The following LRRC37B variants were observed in gnomAD, a reference collection of about 807,000 sequenced individuals.
The protein encoded by LRRC37B is leucine rich repeat containing 37B.
A neutral mutation model predicts 98.3 loss-of-function variants in LRRC37B; 28 were observed. The ratio of observed to expected loss-of-function variants is 0.28; its 90% CI spans 0.21 to 0.39. LRRC37B has a LOEUF of 0.39. LRRC37B is among the 10% of genes least tolerant of loss of function. The probability of loss-of-function intolerance (pLI) is 1.00; values close to 1 mark genes in which losing one functional copy is unlikely to be tolerated. For missense variants in LRRC37B, 938 were observed against 1,182.7 expected, an observed-to-expected ratio of 0.79 and a Z score of 3.03; for synonymous variants, 364 against 442.7, an observed-to-expected ratio of 0.82 and a Z score of 2.23.
intron 2 of LRRC37B, among the ~76,000 whole-genome samples, chr17:32,027,342 T>C (rs1910984391): frequency 6.6e-6 from 1 of 151,980 alleles, no homozygotes; most frequent in South Asian, 2.1e-4. Context: ...TGCACGTGTG[T>C]GCTTGCTTGT....
upstream of LRRC37B, chr17:32,018,094 G>T (rs542551834): frequency 3.4e-5 from 6 of 178,188 alleles, no homozygotes; most frequent in East Asian, 7.1e-4. Flanking sequence ...ATGGCTGGGC[G>T]CAGTGGCTCA....
intron 3 of LRRC37B, among the ~76,000 whole-genome samples, chr17:32,030,132 C>A (rs1368752668): frequency 6.6e-6 from 1 of 151,970 alleles, no homozygotes; most frequent in Non-Finnish European, 1.5e-5. Flanking sequence ...AAATGAATTT[C>A]TATTAATATG....
chr17:32,032,082 A>G (rs532316634), intron 5 of LRRC37B, among the ~76,000 whole-genome samples: 2 of 152,308 alleles, frequency 1.3e-5, no homozygotes, highest in East Asian at 3.9e-4. Context: ...AGCCTGGCCA[A>G]CATGGCGAAA....
intron 1 of LRRC37B, among the ~76,000 whole-genome samples, chr17:32,009,090 A>G (rs958418096): frequency 2.0e-5 from 3 of 151,338 alleles, no homozygotes; most frequent in Non-Finnish European, 4.4e-5. Context: ...CCTCCCTAGC[A>G]CTTGATATTG....
chr17:32,053,034 C>T (rs1211351282), intron 11 of LRRC37B: 1 of 506,378 alleles, frequency 2.0e-6, no homozygotes, highest in Non-Finnish European at 3.6e-6. Context: ...TGAGCATCCA[C>T]AGATTCTGGT....
intron 7 of LRRC37B, chr17:32,042,687 C>T (rs964540367): frequency 2.0e-5 from 3 of 152,678 alleles, no homozygotes; most frequent in African/African-American, 7.2e-5. Context: ...CCTCCGGACC[C>T]CAGGCTCTGC....
intron 5 of LRRC37B, among the ~76,000 whole-genome samples, chr17:32,032,891 C>T (rs1181697054): frequency 6.6e-6 from 1 of 152,134 alleles, no homozygotes; most frequent in Non-Finnish European, 1.5e-5. Context: ...TGGCCAGGAG[C>T]GGTGGCTCAT....
chr17:32,041,346 C>T (rs1225215479), intron 7 of LRRC37B: 1 of 755,484 alleles, frequency 1.3e-6, no homozygotes, highest in South Asian at 1.3e-5. Flanking sequence ...CCTAGACCAG[C>T]CAAGCTGCAA....
intron 7 of LRRC37B, chr17:32,040,138 C>T (rs1232295758): frequency 1.3e-5 from 2 of 155,350 alleles, no homozygotes; most frequent in Non-Finnish European, 2.9e-5. Flanking sequence ...TAGGCCAGCT[C>T]ATTTGTCTTG....
chr17:32,041,505 G>T, intron 7 of LRRC37B: 1 of 577,880 alleles, frequency 1.7e-6, no homozygotes. Flanking sequence ...CTACATGGAC[G>T]TGCTCATGCC....
At chr17:32,021,840 C>T (rs1167225924) in exon 1 of LRRC37B, 2 of 1,614,214 alleles carry the variant, frequency 1.2e-6, no homozygotes, top group East Asian at 2.2e-5. Flanking sequence ...TATGGACACA[C>T]TGTATCCCGG....
chr17:32,036,751 A>G lies in LRRC37B; in HGVS notation c.2204+1112A>G, dbSNP rs143862689. On this transcript the variant is annotated intron_variant, in intron 7 of 11. Coordinates refer to ENST00000327564, the Ensembl canonical transcript of LRRC37B. ...TGTATAGACATTTGGGTAGCTTCCA[A>G]TTTTTTGCAATTATGAATAAAACTC... Among the ~76,000 whole-genome samples the G allele has an allele frequency of 9.1e-4, 138 of 152,152 alleles. 1 individual carries two copies. The highest frequency in any genetic ancestry group is 3.1e-3 in the African/African-American group (130 of 41,510).
chr17:32,041,481 T>G (rs1317001015), intron 7 of LRRC37B: 1 of 646,684 alleles, frequency 1.5e-6, no homozygotes, highest in Non-Finnish European at 2.9e-6. Flanking sequence ...CCAGTTGGGC[T>G]TCTTCCTGCT....
At chr17:32,026,711 G>A (rs1288313871) in intron 2 of LRRC37B, among the ~76,000 whole-genome samples, 2 of 152,204 alleles carry the variant, frequency 1.3e-5, no homozygotes, top group African/African-American at 4.8e-5. Flanking sequence ...TTACAGGCAT[G>A]AGCCACCAGG....
At chr17:32,025,455 CTT>C (rs1205399524) in intron 2 of LRRC37B, among the ~76,000 whole-genome samples, 8 of 151,492 alleles carry the variant, frequency 5.3e-5, no homozygotes, top group African/African-American at 1.7e-4. Context: ...TGCTTCCAGA[CTT>C]TTCCCCATTT....
chr17:32,012,104 T>C (rs530234376), intron 1 of LRRC37B, among the ~76,000 whole-genome samples: 68 of 152,174 alleles, frequency 4.5e-4, no homozygotes, highest in Admixed American at 1.2e-3. Context: ...ATAGGAAAGA[T>C]GTGTCCTGCT....
chr17:32,039,452 G>A (rs1911343597), intron 7 of LRRC37B, among the ~76,000 whole-genome samples: 2 of 131,554 alleles, frequency 1.5e-5, no homozygotes, highest in African/African-American at 5.7e-5. Flanking sequence ...ACTCCAGCCT[G>A]GGTGACAGAG....
exon 1 of LRRC37B, chr17:32,021,513 G>C: frequency 6.2e-7 from 1 of 1,613,966 alleles, no homozygotes; most frequent in Non-Finnish European, 8.5e-7. Flanking sequence ...GGACTTAAAT[G>C]ACAAGCGGAC....
At chr17:32,046,161 T>TC (rs1911572892) in intron 8 of LRRC37B, among the ~76,000 whole-genome samples, 1 of 152,282 alleles carries the variant, frequency 6.6e-6, no homozygotes, top group Non-Finnish European at 1.5e-5. Context: ...ATGTAGTTTG[T>TC]AAGCTGGTTT....
Sources: gnomAD v4.1 joint callset for allele counts (sites outside exome capture counted in the v4.1 genomes callset) on GRCh38, gnomAD v4.1.1 for gene constraint, MANE v1.5 for transcripts, NCBI Gene and HGNC (gene_info 2026-07-23, HGNC 2026-07-21) for gene names.